DCAF6: variants seen among roughly 807,000 people sequenced by gnomAD.
The protein encoded by DCAF6 is DDB1- and CUL4-associated factor 6.
DCAF6 carries 54 observed loss-of-function variants against 125.1 expected under a neutral mutation model. That is an observed-to-expected ratio of 0.43 (90% CI 0.35 to 0.54). The LOEUF (loss-of-function observed/expected upper bound fraction) is 0.54. DCAF6 is among the 20% of genes least tolerant of loss of function. DCAF6 has a pLI of 0.01. For missense variants in DCAF6, 934 were observed against 1,161.7 expected (o/e 0.80, Z 2.85); for synonymous variants, 371 against 390.4 (o/e 0.95, Z 0.58).
At chr1:168,004,036 A>G (rs1683000613) in intron 9 of DCAF6, 47 bp downstream of exon 9, 4 of 1,592,138 alleles carry the variant, frequency 2.5e-6, no homozygotes, top group Non-Finnish European at 3.4e-6. Flanking sequence ...GGCAAAAACT[A>G]CTTATTGAAG....
At chr1:168,008,428 C>T (rs1281040447) in intron 10 of DCAF6, among the ~76,000 whole-genome samples, 1 of 152,102 alleles carries the variant, frequency 6.6e-6, no homozygotes, top group African/African-American at 2.4e-5. Context: ...CATGCCAGCT[C>T]ATCAGCAAGT....
At chr1:167,960,168 G>A (rs1041781471) in intron 2 of DCAF6, among the ~76,000 whole-genome samples, 10 of 151,970 alleles carry the variant, frequency 6.6e-5, no homozygotes, top group Admixed American at 5.9e-4. Flanking sequence ...TCAAAGGTCC[G>A]ATGATCGTGT....
intron 10 of DCAF6, 117 bp from the exon 11 acceptor site, chr1:168,015,664 T>C: frequency 1.2e-6 from 1 of 866,230 alleles, no homozygotes; most frequent in Non-Finnish European, 1.6e-6. Flanking sequence ...TTTATAGTAT[T>C]CCTCTATGAG....
chr1:167,929,764 C>T, the DCAF6 span, among the ~76,000 whole-genome samples: 3 of 152,116 alleles, frequency 2.0e-5, no homozygotes, highest in African/African-American at 7.2e-5. Context: ...AATTTTTACT[C>T]TCAAGCACAT....
At chr1:167,877,373 G>T in the DCAF6 span, among the ~76,000 whole-genome samples, 106 of 151,654 alleles carry the variant, frequency 7.0e-4, no homozygotes, top group African/African-American at 2.5e-3. Flanking sequence ...TGTATGCCAA[G>T]CACAGTGCTA....
chr1:168,016,261 C>T (rs1207901115), intron 11 of DCAF6, among the ~76,000 whole-genome samples: 1 of 152,166 alleles, frequency 6.6e-6, no homozygotes, highest in Non-Finnish European at 1.5e-5. Flanking sequence ...TTAGAGCCTG[C>T]ATTGATCTTT....
At chr1:167,965,717 C>T (rs1346383241) in intron 2 of DCAF6, among the ~76,000 whole-genome samples, 1 of 152,074 alleles carries the variant, frequency 6.6e-6, no homozygotes, top group East Asian at 1.9e-4. Context: ...ACCTCCACCT[C>T]TTGGGTTCAA....
At chr1:167,924,110 C>G in the DCAF6 span, among the ~76,000 whole-genome samples, 1 of 152,166 alleles carries the variant, frequency 6.6e-6, no homozygotes, top group Non-Finnish European at 1.5e-5. Context: ...TTGAGAGTAA[C>G]TTTCCTCACC....
chr1:168,016,007 A>G (rs1306074256), intron 11 of DCAF6, 56 bp downstream of exon 11: 11 of 1,347,888 alleles, frequency 8.2e-6, no homozygotes, highest in Middle Eastern at 1.9e-4. Flanking sequence ...TAATACTGCT[A>G]CTGTGTAATA....
chr1:168,056,734 G>T (rs970054755), intron 17 of DCAF6, among the ~76,000 whole-genome samples: 3 of 152,162 alleles, frequency 2.0e-5, no homozygotes, highest in Non-Finnish European at 4.4e-5. Context: ...GCTTTGTTTG[G>T]TATATCATTT....
intron 12 of DCAF6, among the ~76,000 whole-genome samples, chr1:168,035,930 T>C (rs1281224335): frequency 6.6e-6 from 1 of 151,834 alleles, no homozygotes; most frequent in Non-Finnish European, 1.5e-5. Flanking sequence ...AGTGTGGTGG[T>C]GGGTGCCTAT....
the DCAF6 span, chr1:167,901,872 T>C: frequency 3.7e-6 from 6 of 1,612,792 alleles, no homozygotes; most frequent in African/African-American, 8.1e-5. Context: ...GTATGAGATC[T>C]GTATAGAAAC....
the DCAF6 span, among the ~76,000 whole-genome samples, chr1:167,879,115 G>A: frequency 6.6e-6 from 1 of 152,194 alleles, no homozygotes; most frequent in African/African-American, 2.4e-5. Flanking sequence ...GTGCATGGAG[G>A]ATTGAAGCAC....
At chr1:167,954,289 C>T (rs1674421537) in intron 2 of DCAF6, among the ~76,000 whole-genome samples, 2 of 151,320 alleles carry the variant, frequency 1.3e-5, no homozygotes, top group Non-Finnish European at 3.0e-5. Flanking sequence ...CACTGCACCC[C>T]ACCCACTCTG....
chr1:167,954,416 C>T (rs747888827), intron 2 of DCAF6, among the ~76,000 whole-genome samples: 44 of 151,446 alleles, frequency 2.9e-4, no homozygotes, highest in Non-Finnish European at 6.2e-4. Context: ...TGTGAATTAC[C>T]CCTAGATTTG....
intron 12 of DCAF6, among the ~76,000 whole-genome samples, chr1:168,029,897 G>A (rs1201461072): frequency 4.0e-5 from 6 of 151,722 alleles, no homozygotes; most frequent in African/African-American, 7.3e-5. Context: ...GGAGAATGGC[G>A]TGAACCCAGG....
chr1:167,994,884 C>G (rs923194061), intron 7 of DCAF6, among the ~76,000 whole-genome samples: 1 of 152,000 alleles, frequency 6.6e-6, no homozygotes, highest in African/African-American at 2.4e-5. Flanking sequence ...TTACTAATAA[C>G]AGTGATTTTG....
chr1:168,072,296 A>T (rs1430635936), intron 21 of DCAF6, among the ~76,000 whole-genome samples: 15 of 9,792 alleles, frequency 1.5e-3, no homozygotes, highest in African/African-American at 2.0e-3. Flanking sequence ...AATCAGTCTA[A>T]AAAAAAAAAA....
chr1:167,880,761 T>G, the DCAF6 span: 1 of 700,310 alleles, frequency 1.4e-6, no homozygotes, highest in Non-Finnish European at 2.6e-6. Flanking sequence ...TTTAGTACAC[T>G]TCAAACACTT....
Sources: allele counts gnomAD v4.1 joint callset (sites outside exome capture counted in the v4.1 genomes callset), GRCh38; gene constraint gnomAD v4.1.1; transcripts MANE v1.5; gene names NCBI Gene and HGNC (gene_info 2026-07-23, HGNC 2026-07-21).